PCNT: variants seen among roughly 807,000 people sequenced by gnomAD.
The protein encoded by PCNT is pericentrin.
A neutral mutation model predicts 380.4 loss-of-function variants in PCNT; 319 were observed. The observed-to-expected ratio is 0.84, with a 90% CI of 0.77 to 0.92. The LOEUF (loss-of-function observed/expected upper bound fraction) is 0.92, where lower values mean the gene tolerates loss of function less well. PCNT is among the 40% of genes least tolerant of loss of function. PCNT has a pLI of 0.00. For missense variants in PCNT, 4,400 were observed against 4,255.3 expected, an observed-to-expected ratio of 1.03 and a Z score of -0.95; for synonymous variants, 1,845 against 1,735.2, an observed-to-expected ratio of 1.06 and a Z score of -1.57.
intron 24 of PCNT, 83 bp downstream of exon 24, chr21:46,398,338 C>T (rs1003210009): frequency 2.9e-6 from 4 of 1,395,330 alleles, no homozygotes; most frequent in African/African-American, 1.4e-5. Context: ...CTGCCACCCA[C>T]TCGCTTTTCT....
chr21:46,346,306 C>T, intron 4 of PCNT, 98 bp downstream of exon 4: 1 of 663,450 alleles, frequency 1.5e-6, no homozygotes, highest in Non-Finnish European at 2.7e-6. Flanking sequence ...GCGCTGCCAT[C>T]TCCTTTCTCT....
Position 46,430,048 on chromosome 21 carries a change from A to G in PCNT, c.7729A>G (p.Ile2577Val), listed in dbSNP as rs967552908. 25 of 1,614,068 alleles carry G rather than the reference A, an allele frequency of 1.5e-5. No individual in the cohort carries two copies. Among genetic ancestry groups the G allele is most frequent in the Non-Finnish European group, 1.8e-5 (21 of 1,180,026 alleles). The stretch of plus-strand genomic sequence containing the variant: ...TTATAAAGTAGAGCAGGAGAAGTGC[A>G]TTGCTGGTGACTTGCAGAAGACGCT... ...LAYKVEQEKC[I>V]AGDLQKTLSE... Residue 2577 changes from isoleucine to valine, a missense_variant, in exon 36 of 47, where the codon ATT (isoleucine) becomes GTT (valine). By Grantham distance (29) the Ile-to-Val change is conservative. Transcript: ENST00000359568.
intron 13 of PCNT, among the ~76,000 whole-genome samples, chr21:46,358,947 C>T (rs909655437): frequency 6.6e-6 from 1 of 152,070 alleles, no homozygotes; most frequent in Non-Finnish European, 1.5e-5. Flanking sequence ...AAGACAGGTG[C>T]CCGTCACCAT....
intron 27 of PCNT, among the ~76,000 whole-genome samples, chr21:46,403,450 GGTGCCCACGC>G (rs1404191280): frequency 1.4e-5 from 2 of 142,878 alleles, no homozygotes; most frequent in African/African-American, 5.3e-5. Flanking sequence ...TTGTGTGTGT[GGTGCCCACGC>G]GGCACGTGCT....
In PCNT at chr21:46,367,029, CTG is replaced by C. The variant is rs1241735322; in HGVS notation, c.3056_3057del (p.Leu1019GlnfsTer38). On this transcript the variant is annotated frameshift_variant, in exon 15 of 47. Coordinates refer to ENST00000359568, the MANE Select transcript of PCNT (RefSeq NM_006031.6). LOFTEE classifies it high-confidence loss of function. ...GATTTTGACTCAAGAGTTGGAGAAA[CTG>C]AAGCGGAAACACGAAGGGGAGCTAC... is the stretch of plus-strand genomic sequence containing the variant. Reference protein sequence around the residue: ...QTILTQELEKLKRKHEGELQS... With the variant: ...QTILTQELEKXKRKHEGELQS... 6.2e-7 allele frequency: 1 copy of C among 1,614,142 alleles called. No homozygotes were observed. The highest frequency in any genetic ancestry group is 8.5e-7 in the Non-Finnish European group (1 of 1,180,028).
rs2085549350 is a variant in PCNT at position 46,381,732 on chromosome 21, A to G, written c.3204A>G (p.Glu1068=). The G allele has an allele frequency of 1.9e-6, 3 of 1,614,188 alleles. No homozygotes were observed. The African/African-American group carries it at 4.0e-5, about 22-fold the overall frequency. ...GTGAAAAGAAAACTGCTTTGCATGAAAAAGAGGAGACACTTCGGCTTCAGA... is the reference window on the plus strand; with the variant it reads ...GTGAAAAGAAAACTGCTTTGCATGAGAAAGAGGAGACACTTCGGCTTCAGA... The part of the protein sequence containing the change: ...FGSEKKTALH[E]KEETLRLQSA... Residue 1068 remains glutamate (E), a synonymous_variant, in exon 16 of 47, where the codon GAA becomes GAG. Coordinates refer to ENST00000359568, the MANE Select transcript of PCNT (RefSeq NM_006031.6).
intron 3 of PCNT, among the ~76,000 whole-genome samples, chr21:46,341,512 C>T (rs1371013338): frequency 2.0e-5 from 3 of 151,818 alleles, no homozygotes; most frequent in Non-Finnish European, 4.4e-5. Context: ...TTTTTTCTCA[C>T]GTCTAGTAAG....
At chr21:46,416,934 A>C in intron 30 of PCNT, 95 bp downstream of exon 30, 1 of 1,274,622 alleles carries the variant, frequency 7.8e-7, no homozygotes, top group Non-Finnish European at 1.1e-6. Flanking sequence ...ACCTCCTGAC[A>C]GCACACACCT....
rs36017396 is a variant in PCNT, at chr21:46,365,388, T to A, written c.2610-1196T>A. 5.7e-4 allele frequency among the ~76,000 whole-genome samples: 64 copies of A among 113,062 alleles called. 2 individuals carry two copies. Among genetic ancestry groups the A allele is most frequent in the Admixed American group, 1.2e-3 (13 of 10,532 alleles). 74.2% of individuals were successfully genotyped at this position (113,062 alleles called of 152,430 possible). A position where few individuals can be genotyped will look rare whatever the true frequency, so the allele number is the denominator to read the frequency against. ...TTCTGATCACTGCCGTGGGGTTCTG[T>A]TCACTGCCGTGGGGTTCTGATCACT... On this transcript the variant is annotated intron_variant, in intron 14 of 46. Transcript: ENST00000359568.
At chr21:46,333,933 G>A (rs1212255462) in intron 2 of PCNT, among the ~76,000 whole-genome samples, 1 of 151,312 alleles carries the variant, frequency 6.6e-6, no homozygotes, top group Non-Finnish European at 1.5e-5. Flanking sequence ...CTGGCCAGGT[G>A]TGGTGGCTCA....
chr21:46,411,231 A>G lies in PCNT; in HGVS notation c.5158A>G (p.Thr1720Ala), dbSNP rs771523525. Residue 1720 changes from threonine (T) to alanine (A), a missense_variant, in exon 28 of 47, where the codon ACT becomes GCT. Transcript: ENST00000359568. ...RSSEIEELKA[T>A]IENLQENQKR... The stretch of plus-strand genomic sequence containing the variant: ...TTCTGAGATTGAAGAGCTGAAAGCC[A>G]CTATTGAAAATCTGCAAGAGAATCA... The G allele has an allele frequency of 2.6e-5, 42 of 1,614,066 alleles. No homozygotes were observed. The highest frequency in any genetic ancestry group is 5.3e-5 in the African/African-American group (4 of 74,960).
At chr21:46,324,741 G>GCGGC in intron 1 of PCNT, 1 of 355,136 alleles carries the variant, frequency 2.8e-6, no homozygotes, top group Non-Finnish European at 3.9e-6. Flanking sequence ...CCTGGGGCGG[G>GCGGC]CGGCCGGTAT....
chr21:46,444,676 G>A lies in PCNT; in HGVS notation c.9840-18G>A. 1 of 1,585,202 alleles carries A rather than the reference G, an allele frequency of 6.3e-7. No homozygotes were observed. The highest frequency in any genetic ancestry group is 8.6e-7 in the Non-Finnish European group (1 of 1,165,548). ...TTTTTTTTTTTTTTCTTCTCTTGGT[G>A]TGGTAATTTGTTTGAAGAGCCACTC... On this transcript the variant is annotated intron_variant, in intron 45 of 46. Coordinates refer to ENST00000359568, the MANE Select transcript of PCNT (RefSeq NM_006031.6).
chr21:46,360,056 C>T (rs1410090852), intron 13 of PCNT, among the ~76,000 whole-genome samples: 2 of 151,256 alleles, frequency 1.3e-5, no homozygotes, highest in South Asian at 2.1e-4. Context: ...GAGGTTTCGC[C>T]ATGTTGTCCA....
At position 46,388,735 on chromosome 21, in the gene PCNT, G is replaced by A. The variant is rs753928351; in HGVS notation, c.3465-7G>A. On this transcript the variant is annotated splice_region_variant and splice_polypyrimidine_tract_variant and intron_variant, in intron 17 of 46. Coordinates refer to ENST00000359568, the MANE Select transcript of PCNT (RefSeq NM_006031.6). This position sits in a 1 kb window ranked among gnomAD's most constrained non-coding sequence, Gnocchi z 4.2. ...GCTTGCCTGATGATGGGTGTCTCCT[G>A]TCTCAGAGGGGCCCTCCAGGACGCC... 1.7e-5 allele frequency: 28 copies of A among 1,613,682 alleles called. No individual in the cohort carries two copies. Among genetic ancestry groups the A allele is most frequent in the Non-Finnish European group, 2.3e-5 (27 of 1,179,990 alleles).
rs145784615 is a variant in PCNT at position 46,411,734 on chromosome 21, C to T, written c.5661C>T (p.His1887=). The T allele has an allele frequency of 2.7e-5, 43 of 1,611,858 alleles. No homozygotes were observed. The highest frequency in any genetic ancestry group is 3.3e-4 in the Middle Eastern group (2 of 6,060). Residue 1887 remains histidine, a synonymous_variant, in exon 28 of 47, where the codon CAC becomes CAT. Transcript: ENST00000359568. ...IDALNQRKAA[H]SAELEAVLLA... Reference sequence around the variant, plus strand: ...CTCTGAACCAGCGGAAGGCGGCCCACTCTGCCGAGCTGGAGGCCGTCCTGT... The same window carrying T: ...CTCTGAACCAGCGGAAGGCGGCCCATTCTGCCGAGCTGGAGGCCGTCCTGT...
intron 27 of PCNT, among the ~76,000 whole-genome samples, chr21:46,405,311 CAG>C (rs1306921375): frequency 3.3e-5 from 5 of 152,224 alleles, no homozygotes; most frequent in African/African-American, 1.2e-4. Context: ...TTCCCTTTGA[CAG>C]AGGCTACTGA....
At chr21:46,324,736 G>A (rs1192307060) in intron 1 of PCNT, 12 of 317,792 alleles carry the variant, frequency 3.8e-5, no homozygotes, top group Middle Eastern at 1.5e-3. Flanking sequence ...GGTGGCCTGG[G>A]GCGGGCGGCC....
Position 46,355,603 on chromosome 21 carries a change from A to G in PCNT, c.1913A>G (p.Glu638Gly). 1 of 1,613,918 alleles carries G rather than the reference A, an allele frequency of 6.2e-7. No individual in the cohort carries two copies. The highest frequency in any genetic ancestry group is 1.1e-5 in the South Asian group (1 of 91,058). Residue 638 changes from glutamate to glycine, a missense_variant, in exon 12 of 47, where the codon GAA (glutamate) becomes GGA (glycine). Physicochemically the swap from Glu to Gly is moderately conservative, Grantham distance 98. Coordinates refer to ENST00000359568, the MANE Select transcript of PCNT (RefSeq NM_006031.6). ...GCATTGGGACACGAGTGGCGTCTGG[A>G]ACCCTCTGAAGGGCACAGCCAAGGT... Reference protein sequence around the residue: ...TSALGHEWRLEPSEGHSQELP... With the variant: ...TSALGHEWRLGPSEGHSQELP...
Sources: allele counts gnomAD v4.1 joint callset (sites outside exome capture counted in the v4.1 genomes callset), GRCh38; gene constraint gnomAD v4.1.1; non-coding constraint Gnocchi (gnomAD v3.1); transcripts MANE v1.5; gene names NCBI Gene and HGNC (gene_info 2026-07-23, HGNC 2026-07-21).